Variants in FGF1 observed in about 807,000 individuals in gnomAD.
FGF1 encodes the protein beta-endothelial cell growth factor.
FGF1 carries 9 observed loss-of-function variants against 13.4 expected under a neutral mutation model. That is an observed-to-expected ratio of 0.67 (90% confidence interval 0.40 to 1.17). The LOEUF (loss-of-function observed/expected upper bound fraction) is 1.17. Ranked by LOEUF, FGF1 falls within the 50% of genes most tolerant of loss-of-function variation. FGF1 has a pLI of 0.01. For synonymous variants in FGF1, 93 were observed against 79.0 expected, an observed-to-expected ratio of 1.18 and a Z score of -0.94; for missense variants, 156 against 192.7, an observed-to-expected ratio of 0.81 and a Z score of 1.13.
intron 2 of FGF1, among the ~76,000 whole-genome samples, chr5:142,606,239 T>C (rs1757647206): frequency 6.8e-6 from 1 of 147,924 alleles, no homozygotes. Context: ...TGTGTGTGTG[T>C]GTGTGTATGT....
chr5:142,611,324 T>A (rs1242580765), intron 2 of FGF1, among the ~76,000 whole-genome samples: 1 of 152,106 alleles, frequency 6.6e-6, no homozygotes, highest in Non-Finnish European at 1.5e-5. Flanking sequence ...CCCTAGTAAA[T>A]AGAAGTTTCG....
chr5:142,597,330 A>G (rs1487415255), intron 3 of FGF1, among the ~76,000 whole-genome samples: 3 of 152,218 alleles, frequency 2.0e-5, no homozygotes, highest in African/African-American at 7.2e-5. Flanking sequence ...TATAGGGGCA[A>G]GCGATTAGGA....
upstream of FGF1, among the ~76,000 whole-genome samples, chr5:142,688,033 T>C (rs534603898): frequency 9.4e-4 from 143 of 152,308 alleles, 1 homozygote; most frequent in South Asian, 9.1e-3. Context: ...CAAATGCAAG[T>C]CATTATTTTA....
chr5:142,614,281 GC>G, intron 1 of FGF1, 120 bp from the exon 2 acceptor site: 1 of 729,742 alleles, frequency 1.4e-6, no homozygotes, highest in Non-Finnish European at 2.2e-6. Context: ...AGCACAGCCT[GC>G]CCAGGTGATG....
intron 3 of FGF1, among the ~76,000 whole-genome samples, chr5:142,595,798 A>G (rs950962963): frequency 6.6e-6 from 1 of 152,200 alleles, no homozygotes; most frequent in Non-Finnish European, 1.5e-5. Flanking sequence ...GGACTCTAGA[A>G]TCTCCCACTG....
At chr5:142,596,936 T>A (rs963995127) in intron 3 of FGF1, among the ~76,000 whole-genome samples, 4 of 152,192 alleles carry the variant, frequency 2.6e-5, no homozygotes. Context: ...TATAGACTTA[T>A]GATATCATCA....
intron 1 of FGF1, among the ~76,000 whole-genome samples, chr5:142,646,396 A>C (rs1360760512): frequency 3.3e-5 from 5 of 150,092 alleles, no homozygotes; most frequent in Non-Finnish European, 7.4e-5. Context: ...TGTCCCCCAG[A>C]CTGGAGTGCA....
At position 142,659,231 on chromosome 5, in the gene FGF1, G is replaced by GTTT. The variant is rs11340338; in HGVS notation, c.-35+26723_-35+26725dup. On this transcript the variant is annotated intron_variant, in intron 1 of 3. Transcript: ENST00000337706. ...AAATGCTTCACCAGATCTTGCGTCA[G>GTTT]TTTTTTTTTTTTTTTTGAGACAGGG... Among the ~76,000 whole-genome samples, 41 of 131,356 alleles carry GTTT rather than the reference G, an allele frequency of 3.1e-4. 1 individual carries two copies. The highest frequency in any genetic ancestry group is 1.0e-3 in the African/African-American group (34 of 33,684). The allele number at this position is 131,356 out of a possible 152,430, so 86.2% of individuals were successfully genotyped here.
chr5:142,656,724 A>G (rs1768243721), intron 1 of FGF1, among the ~76,000 whole-genome samples: 1 of 152,364 alleles, frequency 6.6e-6, no homozygotes, highest in Admixed American at 6.5e-5. Context: ...ACACATGTAC[A>G]CATATGAGTG....
At chr5:142,633,705 C>CTTGCCTT (rs1763752144) in intron 1 of FGF1, among the ~76,000 whole-genome samples, 1 of 152,208 alleles carries the variant, frequency 6.6e-6, no homozygotes, top group Non-Finnish European at 1.5e-5. Context: ...CAGCTTTGGA[C>CTTGCCTT]TTGCCTTTTG....
chr5:142,621,281 A>G (rs1248279167), intron 1 of FGF1: 1 of 151,966 alleles, frequency 6.6e-6, no homozygotes, highest in Non-Finnish European at 1.5e-5. Flanking sequence ...TAGTCCCCCT[A>G]CACCCTCATA....
At chr5:142,620,928 T>C (rs1761460101) in intron 1 of FGF1, among the ~76,000 whole-genome samples, 1 of 152,356 alleles carries the variant, frequency 6.6e-6, no homozygotes, top group African/African-American at 2.4e-5. Flanking sequence ...ACCTGTTCAG[T>C]TGGTGAAAAT....
At position 142,678,553 on chromosome 5, in the gene FGF1, C is replaced by T. The variant is rs140071772; in HGVS notation, c.-35+7404G>A. ...GGGTACTCTGCACTCCTCCTTTCAGCGCCCTCTGCCCCTTTCCAGGCTTGT... is the reference window on the plus strand; with the variant it reads ...GGGTACTCTGCACTCCTCCTTTCAGTGCCCTCTGCCCCTTTCCAGGCTTGT... On this transcript the variant is annotated intron_variant, in intron 1 of 3. Transcript: ENST00000337706. Among the ~76,000 whole-genome samples the T allele has an allele frequency of 1.7e-4, 26 of 152,286 alleles. No individual in the cohort carries two copies. In the East Asian group the frequency reaches 3.3e-3, roughly 19 times the overall value.
At chr5:142,690,979 G>A (rs1752117495), upstream of FGF1, among the ~76,000 whole-genome samples, 1 of 152,116 alleles carries the variant, frequency 6.6e-6, no homozygotes, top group African/African-American at 2.4e-5. Flanking sequence ...TGCCTGGCTG[G>A]CTCTTTCCTG....
At chr5:142,657,419 A>C (rs1287634232) in intron 1 of FGF1, among the ~76,000 whole-genome samples, 3 of 151,676 alleles carry the variant, frequency 2.0e-5, no homozygotes, top group Non-Finnish European at 2.9e-5. Context: ...CACCCCCCCA[A>C]CACCTCTCAG....
At chr5:142,670,481 C>T (rs983281891) in intron 1 of FGF1, among the ~76,000 whole-genome samples, 5 of 152,330 alleles carry the variant, frequency 3.3e-5, no homozygotes, top group South Asian at 2.1e-4. Flanking sequence ...CAAGGACCCA[C>T]GGTGTGGTGC....
intron 1 of FGF1, among the ~76,000 whole-genome samples, chr5:142,683,821 C>CAAAAAAAAAAAAA (rs768317949): frequency 2.0e-5 from 1 of 49,750 alleles, no homozygotes; most frequent in Non-Finnish European, 3.7e-5. Context: ...AACTCTGTCT[C>CAAAAAAAAAAAAA]AAAAAAAAAA....
At chr5:142,607,164 C>A (rs900972658) in intron 2 of FGF1, among the ~76,000 whole-genome samples, 12 of 152,114 alleles carry the variant, frequency 7.9e-5, no homozygotes, top group African/African-American at 2.9e-4. Context: ...TAGACCAGAG[C>A]ATAGGCACTT....
chr5:142,695,702 C>T (rs147115154), intron 2 of FGF1, among the ~76,000 whole-genome samples: 10 of 152,136 alleles, frequency 6.6e-5, no homozygotes, highest in Admixed American at 5.2e-4. Flanking sequence ...ACTGGATGCA[C>T]TTAATCAAGC....
Sources: gnomAD v4.1 joint callset for allele counts (sites outside exome capture counted in the v4.1 genomes callset) on GRCh38, gnomAD v4.1.1 for gene constraint, MANE v1.5 for transcripts, NCBI Gene and HGNC (gene_info 2026-07-23, HGNC 2026-07-21) for gene names.